FAM222B: variants seen among roughly 807,000 people sequenced by gnomAD.
The protein encoded by FAM222B is protein FAM222B.
Under a neutral mutation model 38.0 loss-of-function variants are expected in FAM222B, and 12 were observed. The ratio of observed to expected loss-of-function variants is 0.32; its 90% CI spans 0.20 to 0.51. FAM222B has a LOEUF of 0.51. FAM222B is among the 20% of genes least tolerant of loss of function. The pLI, the probability that FAM222B is intolerant of heterozygous loss-of-function variation, is 0.97. For synonymous variants in FAM222B, 329 were observed against 317.2 expected (o/e 1.04, Z -0.40); for missense variants, 716 against 754.2 (o/e 0.95, Z 0.59).
At chr17:28,808,053 T>C (rs2037573447) in intron 1 of FAM222B, among the ~76,000 whole-genome samples, 1 of 152,200 alleles carries the variant, frequency 6.6e-6, no homozygotes, top group South Asian at 2.1e-4. Flanking sequence ...ATAATCTCCC[T>C]CACTCTCCCA....
chr17:28,787,164 T>A (rs2036455110), intron 1 of FAM222B, among the ~76,000 whole-genome samples: 1 of 152,128 alleles, frequency 6.6e-6, no homozygotes. Context: ...GACCTCGTGA[T>A]CCACCCTCCT....
intron 1 of FAM222B, among the ~76,000 whole-genome samples, chr17:28,828,226 G>A (rs1181991627): frequency 2.1e-5 from 3 of 144,162 alleles, no homozygotes; most frequent in Non-Finnish European, 3.0e-5. Context: ...TTCTCCTGCC[G>A]CAGCCTCCTG....
intron 1 of FAM222B, among the ~76,000 whole-genome samples, chr17:28,774,409 TC>T (rs779957947): frequency 6.6e-5 from 10 of 152,160 alleles, no homozygotes; most frequent in East Asian, 1.9e-4. Flanking sequence ...TAGCTAGTTT[TC>T]CTAACGCCAG....
chr17:28,765,166 A>G (rs2035269739), intron 2 of FAM222B, among the ~76,000 whole-genome samples: 1 of 152,218 alleles, frequency 6.6e-6, no homozygotes, highest in African/African-American at 2.4e-5. Context: ...TCACTGGCCA[A>G]ATTCCAGAAC....
chr17:28,837,576 G>A (rs1257980388), intron 1 of FAM222B, among the ~76,000 whole-genome samples: 1 of 151,858 alleles, frequency 6.6e-6, no homozygotes, highest in Non-Finnish European at 1.5e-5. Flanking sequence ...AAGTCACAGA[G>A]CTTTGACAGG....
chr17:28,836,210 A>C (rs1454324353), intron 1 of FAM222B, among the ~76,000 whole-genome samples: 1 of 151,560 alleles, frequency 6.6e-6, no homozygotes, highest in African/African-American at 2.4e-5. Context: ...GGCTGGTCTC[A>C]AACCCCTGAC....
intron 1 of FAM222B, among the ~76,000 whole-genome samples, chr17:28,837,905 G>A (rs577568194): frequency 2.6e-4 from 39 of 152,110 alleles, no homozygotes; most frequent in Non-Finnish European, 4.4e-4. Flanking sequence ...CACCCACCTC[G>A]GCCTCCCAAA....
intron 1 of FAM222B, among the ~76,000 whole-genome samples, chr17:28,803,491 C>G (rs2037334006): frequency 6.6e-6 from 1 of 151,750 alleles, no homozygotes; most frequent in Non-Finnish European, 1.5e-5. Flanking sequence ...TAGAGAGGGT[C>G]TCACCATCTT....
intron 1 of FAM222B, among the ~76,000 whole-genome samples, chr17:28,780,113 A>T (rs549178532): frequency 9.8e-4 from 149 of 152,116 alleles, no homozygotes; most frequent in African/African-American, 3.4e-3. Context: ...GTGGGACTAT[A>T]GGTGCATGCC....
intron 1 of FAM222B, among the ~76,000 whole-genome samples, chr17:28,824,440 A>G (rs904076126): frequency 4.1e-5 from 6 of 145,856 alleles, no homozygotes; most frequent in Admixed American, 3.4e-4. Context: ...CTTGTCTCAG[A>G]CCCCCAAAGT....
At chr17:28,825,313 A>T (rs2038397910) in intron 1 of FAM222B, among the ~76,000 whole-genome samples, 1 of 150,910 alleles carries the variant, frequency 6.6e-6, no homozygotes, top group East Asian at 2.0e-4. Context: ...GCGTGCACCT[A>T]TGGTCCCAGC....
chr17:28,835,358 T>C (rs1313878208), intron 1 of FAM222B, among the ~76,000 whole-genome samples: 1 of 151,960 alleles, frequency 6.6e-6, no homozygotes, highest in Non-Finnish European at 1.5e-5. Flanking sequence ...TTAAAAATGA[T>C]TTTGTCATTT....
intron 1 of FAM222B, among the ~76,000 whole-genome samples, chr17:28,801,241 C>T (rs1194625060): frequency 2.0e-5 from 3 of 147,748 alleles, no homozygotes; most frequent in Admixed American, 6.7e-5. Flanking sequence ...ATCACGAGGT[C>T]AGGAGATCGA....
chr17:28,797,950 A>C (rs2037021560), intron 1 of FAM222B, among the ~76,000 whole-genome samples: 1 of 151,994 alleles, frequency 6.6e-6, no homozygotes, highest in Non-Finnish European at 1.5e-5. Flanking sequence ...CCAGCTCCAC[A>C]GGAGGCTGAG....
At chr17:28,806,201 T>G (rs902350349) in intron 1 of FAM222B, among the ~76,000 whole-genome samples, 6 of 152,146 alleles carry the variant, frequency 3.9e-5, no homozygotes, top group African/African-American at 1.4e-4. Context: ...ATTTCACCTG[T>G]CTATACTTTG....
At chr17:28,770,622 G>A (rs1189761922) in intron 1 of FAM222B, among the ~76,000 whole-genome samples, 2 of 150,212 alleles carry the variant, frequency 1.3e-5, no homozygotes, top group Non-Finnish European at 2.9e-5. Context: ...CCAGGCTGGA[G>A]TGCGGTGGCG....
chr17:28,775,003 AT>A (rs34758668), intron 1 of FAM222B, among the ~76,000 whole-genome samples: 16 of 125,548 alleles, frequency 1.3e-4, no homozygotes, highest in Admixed American at 2.6e-4. Context: ...TCTCAGCTGT[AT>A]TTTTTTTTTT....
chr17:28,840,342 G>A (rs1409202037), intron 1 of FAM222B, among the ~76,000 whole-genome samples: 1 of 151,976 alleles, frequency 6.6e-6, no homozygotes, highest in Non-Finnish European at 1.5e-5. Flanking sequence ...CTCCAGCCTG[G>A]GCGACAGAAC....
intron 1 of FAM222B, among the ~76,000 whole-genome samples, chr17:28,803,123 C>T (rs2037317361): frequency 6.6e-6 from 1 of 152,030 alleles, no homozygotes; most frequent in African/African-American, 2.4e-5. Flanking sequence ...ATTCTCCTGC[C>T]TTAGCCTCCT....
Sources: allele counts gnomAD v4.1 joint callset (sites outside exome capture counted in the v4.1 genomes callset), GRCh38; gene constraint gnomAD v4.1.1; transcripts MANE v1.5; gene names NCBI Gene and HGNC (gene_info 2026-07-23, HGNC 2026-07-21).